The following PTPRD variants were observed in gnomAD, a reference collection of about 807,000 sequenced individuals.
PTPRD encodes the protein protein tyrosine phosphatase receptor type D.
PTPRD carries 34 observed loss-of-function variants against 214.5 expected under a neutral mutation model. The observed-to-expected ratio is 0.16, with a 90% confidence interval of 0.12 to 0.21. The LOEUF (loss-of-function observed/expected upper bound fraction) is 0.21. Ranked by LOEUF, PTPRD falls within the 10% of genes least tolerant of loss-of-function variation. The pLI, the probability that PTPRD is intolerant of heterozygous loss-of-function variation, is 1.00. For missense variants in PTPRD, 2,545 were observed against 2,398.7 expected, an observed-to-expected ratio of 1.06 and a Z score of -1.27; for synonymous variants, 1,128 against 845.7, an observed-to-expected ratio of 1.33 and a Z score of -5.79.
chr9:9,045,442 T>C (rs1304056450), intron 10 of PTPRD, among the ~76,000 whole-genome samples: 2 of 152,062 alleles, frequency 1.3e-5, no homozygotes, highest in African/African-American at 4.8e-5. Context: ...GGTTGTGGTT[T>C]GATTTTGACA....
intron 12 of PTPRD, among the ~76,000 whole-genome samples, chr9:8,669,510 C>A (rs549327182): frequency 6.6e-6 from 1 of 152,042 alleles, no homozygotes; most frequent in South Asian, 2.1e-4. Context: ...GGAGGAAGTC[C>A]CTAGTATTTT....
chr9:9,233,829 C>T (rs369662411), intron 9 of PTPRD, among the ~76,000 whole-genome samples: 11 of 152,310 alleles, frequency 7.2e-5, no homozygotes, highest in South Asian at 2.1e-4. Context: ...TGGGCTCCCA[C>T]GGCCTTGTGT....
intron 4 of PTPRD, among the ~76,000 whole-genome samples, chr9:9,968,331 TA>T (rs1566812453): frequency 6.6e-6 from 1 of 152,158 alleles, no homozygotes; most frequent in South Asian, 2.1e-4. Flanking sequence ...GTACAACCCC[TA>T]AAACGTCATT....
intron 14 of PTPRD, among the ~76,000 whole-genome samples, chr9:8,611,907 C>T (rs1397259927): frequency 7.6e-6 from 1 of 132,186 alleles, no homozygotes; most frequent in Non-Finnish European, 1.6e-5. Flanking sequence ...CCTTTTTGTA[C>T]CTAAATATCA....
At chr9:9,536,407 AG>A (rs2076530963) in intron 8 of PTPRD, among the ~76,000 whole-genome samples, 1 of 152,060 alleles carries the variant, frequency 6.6e-6, no homozygotes, top group Non-Finnish European at 1.5e-5. Flanking sequence ...TGCATATTAA[AG>A]GACAGGAATT....
chr9:10,157,539 C>T (rs1169646309), intron 3 of PTPRD, among the ~76,000 whole-genome samples: 1 of 152,058 alleles, frequency 6.6e-6, no homozygotes, highest in African/African-American at 2.4e-5. Flanking sequence ...GGTAACTGGA[C>T]CTTTCTCTCT....
intron 3 of PTPRD, among the ~76,000 whole-genome samples, chr9:10,169,046 G>C (rs1425796517): frequency 6.6e-6 from 1 of 152,018 alleles, no homozygotes; most frequent in Non-Finnish European, 1.5e-5. Flanking sequence ...AACCAGCTTG[G>C]TTCAATATAC....
At chr9:9,071,368 A>C (rs956566423) in intron 10 of PTPRD, among the ~76,000 whole-genome samples, 24 of 152,192 alleles carry the variant, frequency 1.6e-4, no homozygotes, top group Non-Finnish European at 3.1e-4. Flanking sequence ...GTTAGTCAAG[A>C]GGGAAATTAT....
At chr9:8,767,800 G>T (rs1462823632) in intron 11 of PTPRD, among the ~76,000 whole-genome samples, 1 of 152,086 alleles carries the variant, frequency 6.6e-6, no homozygotes, top group African/African-American at 2.4e-5. Flanking sequence ...AACTTACCAG[G>T]TGATTCCAAT....
At chr9:10,603,167 C>T (rs2078415088) in intron 2 of PTPRD, among the ~76,000 whole-genome samples, 1 of 151,808 alleles carries the variant, frequency 6.6e-6, no homozygotes, top group South Asian at 2.1e-4. Flanking sequence ...AGGGCCACCC[C>T]AGGGAAAGGC....
chr9:9,358,865 C>A (rs1227422788), intron 9 of PTPRD, among the ~76,000 whole-genome samples: 1 of 151,286 alleles, frequency 6.6e-6, no homozygotes, highest in Non-Finnish European at 1.5e-5. Context: ...CGAGACGAAC[C>A]AACTCTGAGA....
At chr9:10,098,222 T>G (rs1034440091) in intron 3 of PTPRD, among the ~76,000 whole-genome samples, 2 of 151,346 alleles carry the variant, frequency 1.3e-5, no homozygotes, top group Non-Finnish European at 2.9e-5. Context: ...AAACCGTCAT[T>G]CTCAGCAAAC....
At chr9:10,434,288 C>G (rs1366786548) in intron 2 of PTPRD, among the ~76,000 whole-genome samples, 2 of 151,722 alleles carry the variant, frequency 1.3e-5, no homozygotes, top group African/African-American at 4.8e-5. Context: ...GAAAAGGTAC[C>G]TCAAGGCACT....
At position 10,306,832 on chromosome 9, in the gene PTPRD, T is replaced by C. The variant is rs371437885; in HGVS notation, c.-545+34131A>G. On this transcript the variant is annotated intron_variant, in intron 3 of 45. Transcript: ENST00000381196. ...TTCTGTGAGTTCTAGTATTATCTCA[T>C]TGGCATCCTAATTATAAATCTGCTA... Among the ~76,000 whole-genome samples, 127 of 152,254 alleles carry C rather than the reference T, an allele frequency of 8.3e-4. 3 individuals are homozygous for C. The South Asian group carries it at 0.022, about 27-fold the overall frequency.
intron 36 of PTPRD, among the ~76,000 whole-genome samples, chr9:8,393,816 C>T (rs1291876584): frequency 3.3e-5 from 5 of 152,144 alleles, no homozygotes; most frequent in Non-Finnish European, 7.3e-5. Flanking sequence ...TACCAATATG[C>T]TCCATTCCTG....
chr9:8,731,946 C>A (rs887238794), intron 12 of PTPRD, among the ~76,000 whole-genome samples: 1 of 152,054 alleles, frequency 6.6e-6, no homozygotes, highest in Non-Finnish European at 1.5e-5. Context: ...GGAGTAGATT[C>A]TTTTTCAAGG....
chr9:9,985,052 C>T (rs1312571628), intron 4 of PTPRD, among the ~76,000 whole-genome samples: 2 of 152,130 alleles, frequency 1.3e-5, no homozygotes, highest in African/African-American at 4.8e-5. Context: ...TTTCACATGG[C>T]AACCAAGACA....
chr9:9,898,947 C>T (rs932157751), intron 5 of PTPRD, among the ~76,000 whole-genome samples: 12 of 152,046 alleles, frequency 7.9e-5, no homozygotes, highest in African/African-American at 2.7e-4. Context: ...AAAAACAAAG[C>T]TGTCTTTATT....
chr9:8,944,335 C>T (rs1390283737), intron 11 of PTPRD, among the ~76,000 whole-genome samples: 1 of 152,022 alleles, frequency 6.6e-6, no homozygotes, highest in Non-Finnish European at 1.5e-5. Context: ...CTAGGGACAA[C>T]AGTATGGAGA....
Sources: gnomAD v4.1 joint callset for allele counts (sites outside exome capture counted in the v4.1 genomes callset) on GRCh38, gnomAD v4.1.1 for gene constraint, MANE v1.5 for transcripts, NCBI Gene and HGNC (gene_info 2026-07-23, HGNC 2026-07-21) for gene names.